The following GMDS variants were observed in gnomAD, a reference collection of about 807,000 sequenced individuals.
The protein encoded by GMDS is GDP-mannose 4,6-dehydratase.
Under a neutral mutation model 49.9 loss-of-function variants are expected in GMDS, and 20 were observed. The observed-to-expected ratio is 0.40, with a 90% confidence interval of 0.28 to 0.58. The LOEUF (loss-of-function observed/expected upper bound fraction) is 0.58, where lower values mean the gene tolerates loss of function less well. Ranked by LOEUF, GMDS falls within the 20% of genes least tolerant of loss-of-function variation. The pLI is 0.42. For missense variants in GMDS, 362 were observed against 481.4 expected (o/e 0.75, Z 2.32); for synonymous variants, 177 against 178.6 (o/e 0.99, Z 0.07).
At chr6:1,917,377 C>T (rs955100359) in intron 7 of GMDS, among the ~76,000 whole-genome samples, 19 of 152,176 alleles carry the variant, frequency 1.2e-4, no homozygotes, top group African/African-American at 4.3e-4. Flanking sequence ...AGGGTTTCTC[C>T]TTTCAATGTC....
intron 1 of GMDS, among the ~76,000 whole-genome samples, chr6:2,226,935 T>C (rs894662730): frequency 6.6e-6 from 1 of 152,176 alleles, no homozygotes; most frequent in African/African-American, 2.4e-5. Flanking sequence ...TGATTCCAGA[T>C]GGAATTTAAG....
At chr6:2,105,752 A>G (rs539365840) in intron 4 of GMDS, among the ~76,000 whole-genome samples, 1 of 152,360 alleles carries the variant, frequency 6.6e-6, no homozygotes, top group African/African-American at 2.4e-5. Flanking sequence ...AGTAGAAAAG[A>G]AACTCAGGAA....
At chr6:1,995,192 T>TG (rs1217021894) in intron 4 of GMDS, among the ~76,000 whole-genome samples, 2 of 152,140 alleles carry the variant, frequency 1.3e-5, no homozygotes, top group African/African-American at 4.8e-5. Flanking sequence ...CGGCTCACCA[T>TG]GTAATTGGGA....
chr6:2,002,052 T>C (rs1228233458), intron 4 of GMDS, among the ~76,000 whole-genome samples: 2 of 152,174 alleles, frequency 1.3e-5, no homozygotes, highest in East Asian at 1.9e-4. Flanking sequence ...TAGAAGTGCA[T>C]AGGTGCTGAA....
chr6:2,072,088 G>A (rs1191979063), intron 4 of GMDS, among the ~76,000 whole-genome samples: 1 of 152,194 alleles, frequency 6.6e-6, no homozygotes, highest in East Asian at 1.9e-4. Flanking sequence ...TGTATTGCAT[G>A]TCTGTGTGTT....
intron 7 of GMDS, among the ~76,000 whole-genome samples, chr6:1,891,898 T>C (rs1759887044): frequency 6.6e-6 from 1 of 152,180 alleles, no homozygotes; most frequent in Non-Finnish European, 1.5e-5. Context: ...TTCCACATGC[T>C]GAAATTGCCA....
chr6:1,663,919 A>C (rs1764163111), intron 9 of GMDS, among the ~76,000 whole-genome samples: 2 of 152,036 alleles, frequency 1.3e-5, no homozygotes, highest in South Asian at 4.1e-4. Flanking sequence ...CATGTAATTT[A>C]TTTGTTGTAA....
chr6:2,018,188 A>C (rs1384675405), intron 4 of GMDS, among the ~76,000 whole-genome samples: 4 of 152,176 alleles, frequency 2.6e-5, no homozygotes, highest in African/African-American at 9.6e-5. Context: ...CCTGACATAT[A>C]ATCTGCCTTA....
chr6:1,810,744 T>C (rs929153808), intron 7 of GMDS, among the ~76,000 whole-genome samples: 8 of 152,134 alleles, frequency 5.3e-5, no homozygotes, highest in Non-Finnish European at 8.8e-5. Context: ...GACATAACCT[T>C]GCAGACAAGC....
At chr6:1,655,508 C>G (rs1313007618) in intron 9 of GMDS, among the ~76,000 whole-genome samples, 1 of 120,542 alleles carries the variant, frequency 8.3e-6, no homozygotes, top group Non-Finnish European at 1.7e-5. Flanking sequence ...CACACACACA[C>G]ACACACACAC....
intron 5 of GMDS, among the ~76,000 whole-genome samples, chr6:1,960,416 A>T (rs1024308681): frequency 1.3e-5 from 2 of 151,612 alleles, no homozygotes; most frequent in Admixed American, 1.3e-4. Flanking sequence ...TTCATGGAAA[A>T]TAAAAAAAAA....
chr6:1,770,682 C>T (rs1768546974), intron 7 of GMDS, among the ~76,000 whole-genome samples: 1 of 152,216 alleles, frequency 6.6e-6, no homozygotes, highest in Non-Finnish European at 1.5e-5. Flanking sequence ...GAGCCAACCA[C>T]TGAGTAGTAA....
intron 4 of GMDS, among the ~76,000 whole-genome samples, chr6:1,989,072 A>C (rs755229294): frequency 6.6e-5 from 10 of 152,354 alleles, no homozygotes; most frequent in Middle Eastern, 3.4e-3. Flanking sequence ...GACAATGGGA[A>C]CGGAGAACGT....
intron 9 of GMDS, among the ~76,000 whole-genome samples, chr6:1,678,456 G>A (rs1333268458): frequency 6.6e-6 from 1 of 152,192 alleles, no homozygotes; most frequent in Non-Finnish European, 1.5e-5. Flanking sequence ...ATTCACTAAA[G>A]GAACCAGGAA....
chr6:1,668,177 T>C (rs1764294516), intron 9 of GMDS, among the ~76,000 whole-genome samples: 1 of 152,256 alleles, frequency 6.6e-6, no homozygotes, highest in African/African-American at 2.4e-5. Context: ...GTGTTTACTT[T>C]TTTCTTTTTT....
intron 9 of GMDS, among the ~76,000 whole-genome samples, chr6:1,628,183 A>C (rs1257183074): frequency 6.6e-6 from 1 of 152,232 alleles, no homozygotes; most frequent in Non-Finnish European, 1.5e-5. Context: ...GAACTGATAA[A>C]GCGCCAGACC....
chr6:1,989,114 G>T (rs192433392), intron 4 of GMDS, among the ~76,000 whole-genome samples: 8 of 152,334 alleles, frequency 5.3e-5, no homozygotes, highest in Admixed American at 4.6e-4. Flanking sequence ...GACAGAACTG[G>T]CATAGTGGAA....
chr6:1,823,171 A>G (rs1456816427), intron 7 of GMDS, among the ~76,000 whole-genome samples: 1 of 152,226 alleles, frequency 6.6e-6, no homozygotes. Context: ...CAACATACAT[A>G]AAATTACCCA....
intron 7 of GMDS, among the ~76,000 whole-genome samples, chr6:1,793,599 T>C (rs530889764): frequency 2.8e-4 from 42 of 152,328 alleles, no homozygotes; most frequent in African/African-American, 1.0e-3. Flanking sequence ...GAGTACCTTG[T>C]GTACAGAGGT....
Sources: allele counts gnomAD v4.1 joint callset (sites outside exome capture counted in the v4.1 genomes callset), GRCh38; gene constraint gnomAD v4.1.1; transcripts MANE v1.5; gene names NCBI Gene and HGNC (gene_info 2026-07-23, HGNC 2026-07-21).